The following ICA1L variants were observed in gnomAD, a reference collection of about 807,000 sequenced individuals.
ICA1L encodes the protein islet cell autoantigen 1 like, also known as islet cell autoantigen 1-like protein.
Under a neutral mutation model 61.3 loss-of-function variants are expected in ICA1L, and 50 were observed. The observed-to-expected ratio is 0.82, with a 90% CI of 0.65 to 1.03. The LOEUF is 1.03. ICA1L is among the 50% of genes least tolerant of loss of function. The pLI is 0.00. For synonymous variants in ICA1L, 161 were observed against 191.3 expected, an observed-to-expected ratio of 0.84 and a Z score of 1.31; for missense variants, 508 against 556.7, an observed-to-expected ratio of 0.91 and a Z score of 0.88.
At chr2:202,855,053 G>A (rs909582912) in intron 1 of ICA1L, among the ~76,000 whole-genome samples, 6 of 151,626 alleles carry the variant, frequency 4.0e-5, no homozygotes, top group African/African-American at 1.5e-4. Flanking sequence ...CGACTACTGG[G>A]CAAATAATGA....
intron 1 of ICA1L, among the ~76,000 whole-genome samples, chr2:202,839,438 G>A (rs940875816): frequency 2.7e-5 from 4 of 148,984 alleles, no homozygotes; most frequent in African/African-American, 9.9e-5. Flanking sequence ...GGCAGAGCTT[G>A]CAGTGAGCCA....
intron 6 of ICA1L, among the ~76,000 whole-genome samples, 170 bp from the exon 7 acceptor site, chr2:202,816,179 G>A (rs1334622963): frequency 6.6e-6 from 1 of 152,176 alleles, no homozygotes; most frequent in African/African-American, 2.4e-5. Flanking sequence ...AATAGTACTT[G>A]TGCAAAAGAA....
chr2:202,850,017 T>C (rs1253828112), intron 1 of ICA1L, among the ~76,000 whole-genome samples: 2 of 151,924 alleles, frequency 1.3e-5, no homozygotes, highest in Non-Finnish European at 2.9e-5. Flanking sequence ...GGTTATAGAG[T>C]AGACCTCCAG....
chr2:202,808,545 A>G (rs1202442566), intron 9 of ICA1L, among the ~76,000 whole-genome samples: 5 of 152,114 alleles, frequency 3.3e-5, no homozygotes, highest in African/African-American at 1.2e-4. Flanking sequence ...CCCTGAAGAG[A>G]ACGACACAAG....
At chr2:202,838,261 T>A (rs1388070698) in intron 1 of ICA1L, among the ~76,000 whole-genome samples, 1 of 152,258 alleles carries the variant, frequency 6.6e-6, no homozygotes, top group Non-Finnish European at 1.5e-5. Flanking sequence ...ATGTTCTTAT[T>A]ATTTCGAGTT....
intron 1 of ICA1L, among the ~76,000 whole-genome samples, chr2:202,839,558 CTG>C (rs57535958): frequency 0.019 from 2,146 of 114,312 alleles, 23 homozygotes; most frequent in African/African-American, 0.035. Flanking sequence ...ACAGTTAAGT[CTG>C]TGTGTGTGTG....
chr2:202,853,881 T>C (rs1694698750), intron 1 of ICA1L, among the ~76,000 whole-genome samples: 1 of 151,980 alleles, frequency 6.6e-6, no homozygotes, highest in African/African-American at 2.4e-5. Context: ...TTACGAGAGC[T>C]CCTGAAGGAA....
At chr2:202,812,855 G>C (rs1376597117) in intron 8 of ICA1L, among the ~76,000 whole-genome samples, 1 of 152,088 alleles carries the variant, frequency 6.6e-6, no homozygotes, top group East Asian at 1.9e-4. Flanking sequence ...TTGAAAAGTA[G>C]CTCTCATAAT....
intron 6 of ICA1L, 77 bp from the exon 7 acceptor site, chr2:202,816,086 T>A: frequency 1.1e-6 from 1 of 873,798 alleles, no homozygotes; most frequent in East Asian, 2.9e-5. Context: ...TCCTTACTAG[T>A]TTAGTAGATG....
rs372722573 is a variant in ICA1L, at chr2:202,815,902, A to T, written c.783+9T>A. Reference sequence around the variant, plus strand: ...ACATCTAAACAAGAGAACATGGAACACAATGTACCTTGAGAGCTACAAAAT... The same window carrying T: ...ACATCTAAACAAGAGAACATGGAACTCAATGTACCTTGAGAGCTACAAAAT... On this transcript the variant is annotated intron_variant, in intron 7 of 12. Coordinates refer to ENST00000358299, the MANE Select transcript of ICA1L (RefSeq NM_001288622.3). The T allele has an allele frequency of 1.3e-6, 2 of 1,527,094 alleles. No individual in the cohort carries two copies. 94.6% of individuals were successfully genotyped at this position (1,527,094 alleles called of 1,614,324 possible).
intron 2 of ICA1L, 56 bp from the exon 3 acceptor site, chr2:202,825,823 A>C: frequency 2.0e-6 from 2 of 1,020,818 alleles, no homozygotes; most frequent in Non-Finnish European, 2.9e-6. Flanking sequence ...AATATATGTT[A>C]TAAGCACCCC....
At chr2:202,829,671 A>C (rs1693959225) in intron 1 of ICA1L, among the ~76,000 whole-genome samples, 1 of 152,200 alleles carries the variant, frequency 6.6e-6, no homozygotes, top group South Asian at 2.1e-4. Context: ...TGTATGCTAT[A>C]ATTTCAACTT....
At chr2:202,811,034 C>A (rs529190426) in intron 9 of ICA1L, among the ~76,000 whole-genome samples, 1 of 152,322 alleles carries the variant, frequency 6.6e-6, no homozygotes, top group South Asian at 2.1e-4. Context: ...TGGTCTCACC[C>A]TGCCTCCATT....
intron 9 of ICA1L, among the ~76,000 whole-genome samples, chr2:202,801,439 A>G (rs949486967): frequency 6.6e-6 from 1 of 152,216 alleles, no homozygotes; most frequent in Non-Finnish European, 1.5e-5. Flanking sequence ...ATGAAACACC[A>G]TTTGAGTGAA....
At chr2:202,796,029 C>T (rs142557803) in intron 10 of ICA1L, among the ~76,000 whole-genome samples, 261 of 142,930 alleles carry the variant, frequency 1.8e-3, no homozygotes, top group Admixed American at 3.1e-3. Flanking sequence ...GATGACAGAG[C>T]GAGACTGTTA....
chr2:202,858,174 C>T (rs1290473275), intron 1 of ICA1L, among the ~76,000 whole-genome samples: 5 of 152,036 alleles, frequency 3.3e-5, no homozygotes, highest in South Asian at 2.1e-4. Flanking sequence ...TGCACACATA[C>T]GTTTATTGTA....
At position 202,779,673 on chromosome 2, in the gene ICA1L, T is replaced by C. The variant is rs747329719; in HGVS notation, c.1334-25A>G. The C allele has an allele frequency of 3.1e-6, 4 of 1,292,272 alleles. No homozygotes were observed. The South Asian group carries it at 3.8e-5, about 12-fold the overall frequency. 80.1% of individuals were successfully genotyped at this position (1,292,272 alleles called of 1,614,324 possible). A position where few individuals can be genotyped will look rare whatever the true frequency, so the allele number is the denominator to read the frequency against. On this transcript the variant is annotated intron_variant, in intron 12 of 12. Coordinates refer to ENST00000358299, the MANE Select transcript of ICA1L (RefSeq NM_001288622.3). ...GCTATTAAAAAAGAAAAAAAATACA[T>C]TAAAGAGATTCAGTTTTGAAATCAT...
intron 1 of ICA1L, among the ~76,000 whole-genome samples, chr2:202,839,293 G>A (rs1364132074): frequency 6.6e-6 from 1 of 152,068 alleles, no homozygotes; most frequent in Non-Finnish European, 1.5e-5. Context: ...AAGGTCAGAA[G>A]ATCGAGACCG....
At chr2:202,864,979 C>A (rs1687447147) in intron 1 of ICA1L, among the ~76,000 whole-genome samples, 1 of 151,898 alleles carries the variant, frequency 6.6e-6, no homozygotes, top group African/African-American at 2.4e-5. Context: ...GCCTGGCCAA[C>A]AGAGAAACCC....
Sources: allele counts gnomAD v4.1 joint callset (sites outside exome capture counted in the v4.1 genomes callset), GRCh38; gene constraint gnomAD v4.1.1; transcripts MANE v1.5; gene names NCBI Gene and HGNC (gene_info 2026-07-23, HGNC 2026-07-21).